The following PLXDC2 variants were observed in gnomAD, a reference collection of about 807,000 sequenced individuals.
The protein encoded by PLXDC2 is plexin domain containing 2.
PLXDC2 carries 40 observed loss-of-function variants against 68.9 expected under a neutral mutation model. That is an observed-to-expected ratio of 0.58 (90% CI 0.45 to 0.76). The LOEUF (loss-of-function observed/expected upper bound fraction) is 0.76, where lower values mean the gene tolerates loss of function less well. Among genes scored for constraint, PLXDC2 ranks in the 30% least tolerant of loss-of-function variants. The probability of loss-of-function intolerance (pLI) is 0.00; values close to 1 mark genes in which losing one functional copy is unlikely to be tolerated. For missense variants in PLXDC2, 644 were observed against 661.9 expected (o/e 0.97, Z 0.30); for synonymous variants, 243 against 234.2 (o/e 1.04, Z -0.34).
intron 1 of PLXDC2, among the ~76,000 whole-genome samples, chr10:19,892,093 A>G (rs1003901273): frequency 1.3e-5 from 2 of 152,212 alleles, no homozygotes; most frequent in African/African-American, 2.4e-5. Flanking sequence ...TTACATTAAT[A>G]TTTACTGTAA....
At chr10:19,913,146 T>C (rs987646579) in intron 1 of PLXDC2, among the ~76,000 whole-genome samples, 1 of 152,178 alleles carries the variant, frequency 6.6e-6, no homozygotes, top group African/African-American at 2.4e-5. Flanking sequence ...TTTGTGTTCC[T>C]GCCCAAATCT....
At chr10:19,887,641 A>G (rs1210326605) in intron 1 of PLXDC2, among the ~76,000 whole-genome samples, 1 of 152,250 alleles carries the variant, frequency 6.6e-6, no homozygotes, top group East Asian at 1.9e-4. Context: ...GAGTGCATGC[A>G]TGTTCACAAG....
intron 1 of PLXDC2, among the ~76,000 whole-genome samples, chr10:19,825,480 A>C (rs1836554154): frequency 6.6e-6 from 1 of 152,120 alleles, no homozygotes; most frequent in Non-Finnish European, 1.5e-5. Flanking sequence ...TGCTTAGGAT[A>C]CTGTATTCTT....
intron 6 of PLXDC2, among the ~76,000 whole-genome samples, chr10:20,155,439 A>G (rs1011209726): frequency 3.3e-5 from 5 of 152,208 alleles, no homozygotes; most frequent in African/African-American, 1.2e-4. Flanking sequence ...TACAGCCAAG[A>G]CATTTGATAA....
rs1228235709 is a variant in PLXDC2, at chr10:20,189,534, C to CAT, written c.1061+12133_1061+12134dup. Among the ~76,000 whole-genome samples, 21 of 38,608 alleles carry CAT rather than the reference C, an allele frequency of 5.4e-4. 1 individual carries two copies. The highest frequency in any genetic ancestry group is 7.4e-4 in the African/African-American group (10 of 13,526). 25.3% of individuals were successfully genotyped at this position (38,608 alleles called of 152,430 possible). ...ATACACACACATATATATACACACACATATATATACACACACACACACATA... is the reference window on the plus strand; with the variant it reads ...ATACACACACATATATATACACACACATATATATATACACACACACACACATA... On this transcript the variant is annotated intron_variant, in intron 9 of 13. Transcript: ENST00000377252.
At chr10:20,118,942 A>G (rs545916571) in intron 4 of PLXDC2, among the ~76,000 whole-genome samples, 2 of 148,034 alleles carry the variant, frequency 1.4e-5, no homozygotes, top group South Asian at 4.3e-4. Flanking sequence ...TTTTGATTCC[A>G]AAAGCAATTT....
chr10:19,991,248 A>C lies in PLXDC2; in HGVS notation c.113-10527A>C, dbSNP rs1421883087. On this transcript the variant is annotated intron_variant, in intron 1 of 13. Transcript: ENST00000377252. ...GCAACAAGACCGAAACTCTCTCTCAAAAAAAAAAAAACAACAACTGTGATT... is the reference window on the plus strand; with the variant it reads ...GCAACAAGACCGAAACTCTCTCTCACAAAAAAAAAAACAACAACTGTGATT... Among the ~76,000 whole-genome samples the C allele has an allele frequency of 4.7e-5, 7 of 149,674 alleles. 1 individual carries two copies. Among genetic ancestry groups the C allele is most frequent in the East Asian group, 1.9e-4 (1 of 5,148 alleles).
At chr10:20,209,915 T>C (rs1039244870) in intron 9 of PLXDC2, among the ~76,000 whole-genome samples, 2 of 152,108 alleles carry the variant, frequency 1.3e-5, no homozygotes, top group African/African-American at 4.8e-5. Context: ...TAAAGACAGG[T>C]GTAAGAAATT....
intron 4 of PLXDC2, among the ~76,000 whole-genome samples, chr10:20,094,782 T>C (rs1285413899): frequency 3.3e-5 from 5 of 152,334 alleles, no homozygotes; most frequent in East Asian, 3.9e-4. Flanking sequence ...TCATCAAATA[T>C]TGAGATCATT....
At chr10:20,037,946 T>A (rs972755769) in intron 2 of PLXDC2, among the ~76,000 whole-genome samples, 2 of 152,168 alleles carry the variant, frequency 1.3e-5, no homozygotes, top group African/African-American at 4.8e-5. Context: ...CTAACGTTTT[T>A]AGGAGGGTCA....
At chr10:20,022,139 T>A (rs1835322260) in intron 2 of PLXDC2, among the ~76,000 whole-genome samples, 1 of 152,234 alleles carries the variant, frequency 6.6e-6, no homozygotes, top group African/African-American at 2.4e-5. Context: ...TATCTGTTTA[T>A]CAACTGTCAT....
rs528414446 is a variant in PLXDC2 at position 20,206,218 on chromosome 10, CT to C, written c.1062-5445del. On this transcript the variant is annotated intron_variant, in intron 9 of 13. Coordinates refer to ENST00000377252, the MANE Select transcript of PLXDC2 (RefSeq NM_032812.9). ...AAATAACTTATCTAAGATCACACAC[CT>C]TTTTTGTGACCAAGCCAAAATACTA... 1.4e-3 allele frequency among the ~76,000 whole-genome samples: 216 copies of C among 152,066 alleles called. 1 individual carries two copies. Among genetic ancestry groups the C allele is most frequent in the Non-Finnish European group, 4.1e-4 (28 of 67,976 alleles).
intron 4 of PLXDC2, among the ~76,000 whole-genome samples, chr10:20,090,639 C>T (rs2131730110): frequency 6.6e-6 from 1 of 152,206 alleles, no homozygotes; most frequent in Middle Eastern, 3.4e-3. Context: ...AAAAAAATTA[C>T]AGAAAAGTCC....
At chr10:19,891,417 T>C (rs1051196114) in intron 1 of PLXDC2, among the ~76,000 whole-genome samples, 25 of 152,216 alleles carry the variant, frequency 1.6e-4, no homozygotes, top group African/African-American at 5.5e-4. Flanking sequence ...CCTTTTTTCT[T>C]CCACAATCTT....
At chr10:20,192,766 A>C (rs1345822460) in intron 9 of PLXDC2, among the ~76,000 whole-genome samples, 1 of 152,118 alleles carries the variant, frequency 6.6e-6, no homozygotes, top group Non-Finnish European at 1.5e-5. Context: ...TCAGACATTT[A>C]AGATTTTAGT....
chr10:19,847,731 T>C lies in PLXDC2; in HGVS notation c.112+30540T>C, dbSNP rs1213020541. ...ACATACATTCTGTTCTAAATGGTGTTGTGGACTATTCTAGGCAATTTACGT... is the reference window on the plus strand; with the variant it reads ...ACATACATTCTGTTCTAAATGGTGTCGTGGACTATTCTAGGCAATTTACGT... On this transcript the variant is annotated intron_variant, in intron 1 of 13. Transcript: ENST00000377252. 2.0e-5 allele frequency among the ~76,000 whole-genome samples: 3 copies of C among 152,234 alleles called. No individual in the cohort carries two copies. The East Asian group carries it at 5.8e-4, about 29-fold the overall frequency.
chr10:19,847,259 CTA>C (rs1248439320), intron 1 of PLXDC2, among the ~76,000 whole-genome samples: 2 of 152,104 alleles, frequency 1.3e-5, no homozygotes, highest in African/African-American at 4.8e-5. Flanking sequence ...TGCATGCTTT[CTA>C]TATTTGTTTA....
At chr10:19,982,367 T>G (rs1834565082) in intron 1 of PLXDC2, among the ~76,000 whole-genome samples, 1 of 152,232 alleles carries the variant, frequency 6.6e-6, no homozygotes, top group Non-Finnish European at 1.5e-5. Context: ...GCAAGTCTAG[T>G]ATTGCAGTAT....
At chr10:20,042,121 G>A (rs1285815027) in intron 2 of PLXDC2, among the ~76,000 whole-genome samples, 1 of 151,962 alleles carries the variant, frequency 6.6e-6, no homozygotes, top group Non-Finnish European at 1.5e-5. Context: ...TATTTCCTGT[G>A]TCCTGACTGG....
Sources: allele counts gnomAD v4.1 joint callset (sites outside exome capture counted in the v4.1 genomes callset), GRCh38; gene constraint gnomAD v4.1.1; transcripts MANE v1.5; gene names NCBI Gene and HGNC (gene_info 2026-07-23, HGNC 2026-07-21).